IKZF4: variants seen among roughly 807,000 people sequenced by gnomAD.
IKZF4 encodes the protein zinc finger protein Eos.
Under a neutral mutation model 47.7 loss-of-function variants are expected in IKZF4, and 11 were observed. That is an observed-to-expected ratio of 0.23 (90% CI 0.15 to 0.38). The LOEUF (loss-of-function observed/expected upper bound fraction) is 0.38. Among genes scored for constraint, IKZF4 ranks in the 10% least tolerant of loss-of-function variants. The probability of loss-of-function intolerance (pLI) is 1.00; values close to 1 mark genes in which losing one functional copy is unlikely to be tolerated. For synonymous variants in IKZF4, 298 were observed against 299.4 expected, an observed-to-expected ratio of 1.00 and a Z score of 0.05; for missense variants, 557 against 784.9, an observed-to-expected ratio of 0.71 and a Z score of 3.47.
intron 4 of IKZF4, 68 bp from the exon 5 acceptor site, chr12:56,027,712 T>C: frequency 6.6e-7 from 1 of 1,518,210 alleles, no homozygotes; most frequent in African/African-American, 1.4e-5. Context: ...GGGCAGAGGG[T>C]GGGTGATAGG....
Position 56,034,890 on chromosome 12 carries a change from A to G in IKZF4, c.1317A>G (p.Arg439=). Residue 439 remains arginine, a synonymous_variant, in exon 8 of 8, where the codon CGA becomes CGG. Transcript: ENST00000547167. ...ADGGPLLYRP[R]GPLTDPGASP... is the part of the protein sequence containing the mutation. ...GAGGTCCCCTCCTCTACCGGCCCCG[A>G]GGCCCCCTGACTGACCCTGGGGCAT... The G allele has an allele frequency of 6.2e-7, 1 of 1,607,514 alleles. No homozygotes were observed. Among genetic ancestry groups the G allele is most frequent in the Non-Finnish European group, 8.5e-7 (1 of 1,176,624 alleles).
chr12:56,018,183 C>A (rs1565813612), upstream of IKZF4: 1 of 1,289,080 alleles, frequency 7.8e-7, no homozygotes, highest in South Asian at 1.2e-5. Context: ...GTCTGGTATG[C>A]CTTCTGTGTG....
chr12:56,032,299 T>C, intron 5 of IKZF4: 2 of 415,942 alleles, frequency 4.8e-6, no homozygotes, highest in Non-Finnish European at 8.7e-6. Context: ...TTTGGCCATC[T>C]TGAACAAACC....
intron 1 of IKZF4, chr12:56,010,237 T>A (rs1031035325): frequency 2.0e-5 from 3 of 152,226 alleles, no homozygotes; most frequent in African/African-American, 7.2e-5. Context: ...GGCTTTGATT[T>A]GCTTCCTCTT....
upstream of IKZF4, among the ~76,000 whole-genome samples, chr12:56,018,586 T>A (rs760180397): frequency 8.6e-5 from 13 of 152,000 alleles, no homozygotes; most frequent in Non-Finnish European, 1.8e-4. Context: ...GTCATGTGAA[T>A]GAGTGAAGTA....
At chr12:56,030,959 A>C (rs1012361366) in intron 5 of IKZF4, among the ~76,000 whole-genome samples, 6 of 152,202 alleles carry the variant, frequency 3.9e-5, no homozygotes, top group African/African-American at 1.4e-4. Flanking sequence ...CAATACAAAG[A>C]AATGATAAAT....
chr12:56,021,412 C>T lies in IKZF4; in HGVS notation c.-82C>T, dbSNP rs1403263869. On this transcript the variant is annotated 5_prime_UTR_variant, in exon 1 of 8. Transcript: ENST00000547167. The stretch of plus-strand genomic sequence containing the variant: ...GCTGCTGCTGCCTGCGAAATGACGG[C>T]GGTTCCCCTCACTTCCAGGAATCCA... 1.5e-5 allele frequency: 24 copies of T among 1,550,192 alleles called. No homozygotes were observed. In the East Asian group the frequency reaches 4.6e-4, roughly 30 times the overall value.
chr12:56,007,565 C>T, upstream of IKZF4: 1 of 157,286 alleles, frequency 6.4e-6, no homozygotes, highest in Non-Finnish European at 1.4e-5. Context: ...TCTGAGCGCC[C>T]GGGTCCTGGC....
At chr12:56,026,711 G>GTT in intron 3 of IKZF4, 70 bp from the exon 4 acceptor site, 6 of 926,010 alleles carry the variant, frequency 6.5e-6, no homozygotes, top group Non-Finnish European at 7.6e-6. Context: ...AAAAAAAAGA[G>GTT]TGCCATTCTG....
chr12:56,024,802 G>T lies in IKZF4; in HGVS notation c.182-252G>T, dbSNP rs993985752. ...CCCTGCTTCCTGTGGACGTCAGGCA[G>T]TGATGCTCTTGCCCTCAGGCCTAGA... On this transcript the variant is annotated intron_variant, in intron 2 of 7. Coordinates refer to ENST00000547167, the MANE Select transcript of IKZF4 (RefSeq NM_022465.4). The T allele has an allele frequency of 3.7e-6, 5 of 1,339,094 alleles. No homozygotes were observed. The African/African-American group carries it at 4.5e-5, about 12-fold the overall frequency. 83.0% of individuals were successfully genotyped at this position (1,339,094 alleles called of 1,614,324 possible).
At position 56,012,628 on chromosome 12, in the gene IKZF4, ACTC is replaced by A. The variant is rs1453952872; in HGVS notation, c.-214+1137_-214+1139del. ...AGTGTGTTGCCCAGGCTGGCCTAGA[ACTC>A]CTGGCCTCAAGCAGTCCTCTTGCCT... is the stretch of plus-strand genomic sequence containing the variant. On this transcript the variant is annotated intron_variant, in intron 2 of 11. Transcript: ENST00000262032. 2.7e-5 allele frequency among the ~76,000 whole-genome samples: 4 copies of A among 150,536 alleles called. 1 individual carries two copies. The highest frequency in any genetic ancestry group is 9.8e-5 in the African/African-American group (4 of 40,786).
rs1482564415 is a variant in IKZF4, at chr12:56,035,504, T to C, written c.*173T>C. The C allele has an allele frequency of 8.8e-6, 5 of 566,354 alleles. No individual in the cohort carries two copies. The Admixed American group carries it at 1.3e-4, about 15-fold the overall frequency. 35.1% of individuals were successfully genotyped at this position (566,354 alleles called of 1,614,324 possible). ...TATTCTCTTCCTCTATCCTGACCGA[T>C]GTAAGCATTGTGATGAAACAGATCT... On this transcript the variant is annotated 3_prime_UTR_variant, in exon 8 of 8. Coordinates refer to ENST00000547167, the MANE Select transcript of IKZF4 (RefSeq NM_022465.4). The surrounding 1 kb of genome is among the most constrained non-coding windows in gnomAD (Gnocchi z 6.1).
intron 3 of IKZF4, among the ~76,000 whole-genome samples, chr12:56,025,757 TGC>T (rs1201205994): frequency 4.6e-5 from 7 of 152,246 alleles, no homozygotes; most frequent in Admixed American, 4.6e-4. Context: ...CTTCCAGGTT[TGC>T]TCTCTTTGGC....
chr12:56,018,322 T>G (rs1892397657), upstream of IKZF4: 1 of 457,168 alleles, frequency 2.2e-6, no homozygotes, highest in African/African-American at 2.1e-5. Flanking sequence ...CCCTTGGTAG[T>G]GTGCAATTAT....
chr12:56,016,490 C>T (rs866329774), upstream of IKZF4, among the ~76,000 whole-genome samples: 6 of 145,794 alleles, frequency 4.1e-5, no homozygotes, highest in Admixed American at 3.4e-4. Flanking sequence ...GGCAGGATCT[C>T]GGTGCACCGC....
chr12:56,024,810 C>T (rs2136652397), intron 2 of IKZF4: 2 of 1,357,622 alleles, frequency 1.5e-6, no homozygotes, highest in Middle Eastern at 2.9e-4. Flanking sequence ...CAGTGATGCT[C>T]TTGCCCTCAG....
chr12:56,030,790 G>A (rs1894806470), intron 5 of IKZF4, among the ~76,000 whole-genome samples: 1 of 152,100 alleles, frequency 6.6e-6, no homozygotes, highest in African/African-American at 2.4e-5. Flanking sequence ...GAGAAGGGTT[G>A]GGAGTAGGTG....
chr12:56,024,899 G>A, intron 2 of IKZF4, 155 bp from the exon 3 acceptor site: 2 of 1,489,034 alleles, frequency 1.3e-6, no homozygotes. Context: ...ACTGGCGGGG[G>A]CACAAGGTAT....
intron 2 of IKZF4, 44 bp from the exon 3 acceptor site, chr12:56,025,010 T>A (rs1893716298): frequency 6.4e-7 from 1 of 1,554,014 alleles, no homozygotes; most frequent in African/African-American, 1.4e-5. Context: ...ACAGTAGATA[T>A]CTCCAGCTCC....
Sources: allele counts gnomAD v4.1 joint callset (sites outside exome capture counted in the v4.1 genomes callset), GRCh38; gene constraint gnomAD v4.1.1; non-coding constraint Gnocchi (gnomAD v3.1); transcripts MANE v1.5; gene names NCBI Gene and HGNC (gene_info 2026-07-23, HGNC 2026-07-21).